Variants in JAK2 observed in about 807,000 individuals in gnomAD.
JAK2 encodes the protein tyrosine-protein kinase JAK2.
JAK2 carries 86 observed loss-of-function variants against 139.3 expected under a neutral mutation model. That is an observed-to-expected ratio of 0.62 (90% CI 0.52 to 0.74). The LOEUF (loss-of-function observed/expected upper bound fraction) is 0.74, where lower values mean the gene tolerates loss of function less well. Among genes scored for constraint, JAK2 ranks in the 30% least tolerant of loss-of-function variants. JAK2 has a pLI of 0.00. For synonymous variants in JAK2, 490 were observed against 437.7 expected (o/e 1.12, Z -1.49); for missense variants, 1,421 against 1,360.3 (o/e 1.04, Z -0.70).
chr9:5,053,867 G>A (rs1817584833), intron 6 of JAK2, among the ~76,000 whole-genome samples: 1 of 152,000 alleles, frequency 6.6e-6, no homozygotes. Context: ...TAACTAGATA[G>A]GAGATGGATG....
At chr9:5,020,089 G>A (rs72699574) in intron 2 of JAK2, among the ~76,000 whole-genome samples, 33,039 of 152,058 alleles carry the variant, frequency 0.22, 4,523 homozygotes, top group South Asian at 0.32. Context: ...AGGCCCCTGG[G>A]CAGTGAGCAT....
At chr9:5,005,897 C>A (rs1299823835) in intron 2 of JAK2, among the ~76,000 whole-genome samples, 1 of 152,128 alleles carries the variant, frequency 6.6e-6, no homozygotes, top group African/African-American at 2.4e-5. Flanking sequence ...GTTACTGTAG[C>A]CTTGTAGTAT....
At chr9:4,986,210 C>T (rs755321397) in intron 2 of JAK2, among the ~76,000 whole-genome samples, 188 bp downstream of exon 2, 82 of 152,106 alleles carry the variant, frequency 5.4e-4, no homozygotes, top group Non-Finnish European at 2.9e-4. Flanking sequence ...TGTTGTTCGT[C>T]TTGGATCCTT....
rs866419111 is a variant in JAK2 at position 5,055,909 on chromosome 9, C to A, written c.1056+121C>A. Reference sequence around the variant, plus strand: ...ATTTTGATTGTAGTTTTAAATATAACTCTAAACATCAGTTCAGTAAACTTT... The same window carrying A: ...ATTTTGATTGTAGTTTTAAATATAAATCTAAACATCAGTTCAGTAAACTTT... On this transcript the variant is annotated intron_variant, in intron 8 of 24. Coordinates refer to ENST00000381652, the MANE Select transcript of JAK2 (RefSeq NM_004972.4). 3.5e-5 allele frequency: 29 copies of A among 823,876 alleles called. No individual in the cohort carries two copies. The South Asian group carries it at 5.2e-4, about 15-fold the overall frequency. The allele number at this position is 823,876 out of a possible 1,614,324, so 51.0% of individuals were successfully genotyped here.
intron 22 of JAK2, among the ~76,000 whole-genome samples, chr9:5,096,417 G>C (rs190856991): frequency 5.3e-5 from 8 of 152,080 alleles, no homozygotes; most frequent in Non-Finnish European, 1.2e-4. Context: ...TTGCTAGATC[G>C]GTGGAATTCA....
At chr9:5,086,679 CCTTA>C (rs1390868701) in intron 19 of JAK2, among the ~76,000 whole-genome samples, 2 of 152,124 alleles carry the variant, frequency 1.3e-5, no homozygotes, top group African/African-American at 2.4e-5. Context: ...CATGTAATAA[CCTTA>C]CTTAGAAAAT....
intron 2 of JAK2, among the ~76,000 whole-genome samples, chr9:4,996,498 A>G (rs907489515): frequency 7.9e-5 from 12 of 152,036 alleles, no homozygotes; most frequent in Admixed American, 7.2e-4. Flanking sequence ...ATAGAAGTAT[A>G]CTATTCTGAT....
At chr9:5,123,487 G>A (rs1823770198) in intron 23 of JAK2, among the ~76,000 whole-genome samples, 1 of 151,806 alleles carries the variant, frequency 6.6e-6, no homozygotes, top group Admixed American at 6.6e-5. Context: ...AATTTCATTC[G>A]TTGTTATGGC....
intron 2 of JAK2, among the ~76,000 whole-genome samples, chr9:4,986,424 A>C (rs941441355): frequency 6.6e-6 from 1 of 152,076 alleles, no homozygotes; most frequent in Admixed American, 6.5e-5. Flanking sequence ...ATGTTTCCTC[A>C]TGGTTTTATC....
At chr9:5,106,686 T>A (rs1821984376) in intron 22 of JAK2, among the ~76,000 whole-genome samples, 2 of 152,074 alleles carry the variant, frequency 1.3e-5, no homozygotes, top group Non-Finnish European at 2.9e-5. Flanking sequence ...TAAGAAAATA[T>A]GCCACAAATA....
intron 2 of JAK2, among the ~76,000 whole-genome samples, chr9:4,990,510 G>C (rs1330325806): frequency 6.6e-6 from 1 of 152,140 alleles, no homozygotes; most frequent in East Asian, 1.9e-4. Context: ...ATTTGTTAGC[G>C]AAGTTAAGGC....
chr9:5,002,387 C>T (rs1018210060), intron 2 of JAK2, among the ~76,000 whole-genome samples: 3 of 151,890 alleles, frequency 2.0e-5, no homozygotes, highest in Admixed American at 6.6e-5. Context: ...ATTTCTTCTT[C>T]GAACCTGGGA....
At chr9:5,023,000 T>G (rs1309687007) in intron 3 of JAK2, among the ~76,000 whole-genome samples, 2 of 149,686 alleles carry the variant, frequency 1.3e-5, no homozygotes, top group East Asian at 3.8e-4. Flanking sequence ...TAACTGTAAG[T>G]TGGAGGAAGC....
intron 2 of JAK2, among the ~76,000 whole-genome samples, chr9:5,014,520 A>T (rs1221248572): frequency 6.6e-6 from 1 of 152,150 alleles, no homozygotes; most frequent in Non-Finnish European, 1.5e-5. Context: ...AATCTAATCT[A>T]TGGTGGGAAA....
intron 19 of JAK2, among the ~76,000 whole-genome samples, chr9:5,087,857 CAT>C (rs1820255185): frequency 6.6e-6 from 1 of 152,174 alleles, no homozygotes. Context: ...ATTGCAATGA[CAT>C]GACTGTATTT....
intron 22 of JAK2, among the ~76,000 whole-genome samples, chr9:5,092,478 C>G (rs953660662): frequency 2.0e-5 from 3 of 152,092 alleles, no homozygotes; most frequent in African/African-American, 7.2e-5. Flanking sequence ...CACTTTGAGC[C>G]AACCCTAGCC....
intron 2 of JAK2, among the ~76,000 whole-genome samples, chr9:4,989,688 C>T (rs1440155952): frequency 6.6e-6 from 1 of 152,074 alleles, no homozygotes; most frequent in Non-Finnish European, 1.5e-5. Flanking sequence ...TATTTAAGAC[C>T]ACTTGAGTTG....
At chr9:5,096,999 C>G (rs1189569839) in intron 22 of JAK2, 1 of 152,134 alleles carries the variant, frequency 6.6e-6, no homozygotes, top group Non-Finnish European at 1.5e-5. Flanking sequence ...CTTTCCTACT[C>G]CTACTTGCAT....
chr9:5,013,633 G>A (rs987529586), intron 2 of JAK2, among the ~76,000 whole-genome samples: 4 of 152,060 alleles, frequency 2.6e-5, no homozygotes, highest in Admixed American at 2.0e-4. Flanking sequence ...TGCCAATAAT[G>A]CCCTGTTTTT....
Sources: allele counts gnomAD v4.1 joint callset (sites outside exome capture counted in the v4.1 genomes callset), GRCh38; gene constraint gnomAD v4.1.1; transcripts MANE v1.5; gene names NCBI Gene and HGNC (gene_info 2026-07-23, HGNC 2026-07-21).